Variants in NELL2 observed in about 807,000 individuals in gnomAD.
NELL2 encodes the protein protein kinase C-binding protein NELL2.
NELL2 carries 41 observed loss-of-function variants against 109.6 expected under a neutral mutation model. The ratio of observed to expected loss-of-function variants is 0.37; its 90% CI spans 0.29 to 0.49. NELL2 has a LOEUF of 0.49. NELL2 is among the 20% of genes least tolerant of loss of function. The probability of loss-of-function intolerance (pLI) is 0.98; values close to 1 mark genes in which losing one functional copy is unlikely to be tolerated. For synonymous variants in NELL2, 355 were observed against 344.7 expected, an observed-to-expected ratio of 1.03 and a Z score of -0.33; for missense variants, 900 against 1,008.3, an observed-to-expected ratio of 0.89 and a Z score of 1.45.
rs758588435 is a variant in NELL2, at chr12:44,532,726, CA to C, written c.1664-6del. The C allele has an allele frequency of 2.9e-5, 46 of 1,590,166 alleles. No homozygotes were observed. The African/African-American group carries it at 5.6e-4, about 19-fold the overall frequency. On this transcript the variant is annotated splice_region_variant and splice_polypyrimidine_tract_variant and intron_variant, in intron 15 of 19. Transcript: ENST00000429094. ...CATCAGAGCATTCATCAATGTCTGG[CA>C]AAAAAAGAGGGATTTTATAAAATTA... is the stretch of plus-strand genomic sequence containing the variant.
intron 2 of NELL2, among the ~76,000 whole-genome samples, chr12:44,856,809 G>A (rs1341535125): frequency 6.6e-6 from 1 of 152,180 alleles, no homozygotes; most frequent in Non-Finnish European, 1.5e-5. Context: ...AAGAACCCCT[G>A]AAAGCTTGGA....
chr12:44,866,987 T>C (rs1191013424), intron 2 of NELL2, among the ~76,000 whole-genome samples: 1 of 151,864 alleles, frequency 6.6e-6, no homozygotes, highest in East Asian at 1.9e-4. Context: ...TGTAAGCAAA[T>C]TGAATCAATA....
rs149746783 is a variant in NELL2, at chr12:44,534,926, T to C, written c.1664-2205A>G. On this transcript the variant is annotated intron_variant, in intron 15 of 19. Transcript: ENST00000429094. ...AATAAGGTTATCTCAGTTTCTATGG[T>C]ATAGATATATATTTCAATTGTTACT... Among the ~76,000 whole-genome samples, 3 of 152,182 alleles carry C rather than the reference T, an allele frequency of 2.0e-5. No individual in the cohort carries two copies. The East Asian group carries it at 5.8e-4, about 29-fold the overall frequency.
At chr12:44,887,475 G>A (rs1462916075) in intron 1 of NELL2, among the ~76,000 whole-genome samples, 3 of 151,982 alleles carry the variant, frequency 2.0e-5, no homozygotes, top group South Asian at 2.1e-4. Flanking sequence ...TAACTGGGGG[G>A]AGACACCAAT....
At chr12:44,864,577 T>C (rs1592675429) in intron 2 of NELL2, among the ~76,000 whole-genome samples, 1 of 152,196 alleles carries the variant, frequency 6.6e-6, no homozygotes, top group East Asian at 1.9e-4. Context: ...AATATTAATA[T>C]ATCTAAAAGA....
intron 3 of NELL2, among the ~76,000 whole-genome samples, chr12:44,810,761 G>A (rs866378058): frequency 6.8e-6 from 1 of 147,954 alleles, no homozygotes; most frequent in African/African-American, 2.7e-5. Flanking sequence ...AATAGTGGCT[G>A]CCGTCAGGGA....
intron 1 of NELL2, among the ~76,000 whole-genome samples, chr12:44,913,199 G>A (rs1945798392): frequency 6.6e-6 from 1 of 152,106 alleles, no homozygotes; most frequent in African/African-American, 2.4e-5. Context: ...AGGTGAAAAT[G>A]AGATAACACA....
At chr12:44,897,132 T>C (rs1945601806) in intron 1 of NELL2, among the ~76,000 whole-genome samples, 1 of 152,174 alleles carries the variant, frequency 6.6e-6, no homozygotes, top group African/African-American at 2.4e-5. Flanking sequence ...TTTAACAAGA[T>C]GATGTCAGTA....
chr12:44,749,078 G>T (rs1027582111), intron 9 of NELL2, among the ~76,000 whole-genome samples: 3 of 152,054 alleles, frequency 2.0e-5, no homozygotes, highest in African/African-American at 7.2e-5. Context: ...ACTCCAAAAG[G>T]ACTAAGTCTG....
At chr12:44,725,648 A>G (rs1302545475) in intron 9 of NELL2, among the ~76,000 whole-genome samples, 1 of 152,212 alleles carries the variant, frequency 6.6e-6, no homozygotes, top group Non-Finnish European at 1.5e-5. Flanking sequence ...TGTGGTACCT[A>G]AGCACCATGA....
Position 44,552,623 on chromosome 12 carries a change from C to T in NELL2, c.1664-19902G>A, listed in dbSNP as rs1006712686. On this transcript the variant is annotated intron_variant, in intron 15 of 19. Transcript: ENST00000429094. ...CTAATATTTATTTTATTATTACTAC[C>T]AGCTCTTACCATGTTACATAGAATT... Among the ~76,000 whole-genome samples the T allele has an allele frequency of 5.3e-5, 8 of 152,078 alleles. No homozygotes were observed. In the South Asian group the frequency reaches 1.7e-3, roughly 32 times the overall value.
intron 1 of NELL2, among the ~76,000 whole-genome samples, chr12:44,919,225 G>A (rs1438208855): frequency 6.6e-6 from 1 of 151,982 alleles, no homozygotes; most frequent in East Asian, 1.9e-4. Flanking sequence ...GCAAAGAGAG[G>A]AAAAAATAAT....
At chr12:44,594,230 G>A (rs1944871835) in intron 15 of NELL2, among the ~76,000 whole-genome samples, 1 of 151,928 alleles carries the variant, frequency 6.6e-6, no homozygotes, top group Non-Finnish European at 1.5e-5. Flanking sequence ...CATGGCATGT[G>A]CATACCTATG....
At chr12:44,617,691 C>CAAAAAAAAAAAAAAAAAAAAA (rs975070930) in intron 13 of NELL2, among the ~76,000 whole-genome samples, 8 of 22,360 alleles carry the variant, frequency 3.6e-4, no homozygotes, top group East Asian at 1.4e-3. Context: ...GACTCCGTCT[C>CAAAAAAAAAAAAAAAAAAAAA]AAAAAAAAAA....
At chr12:44,755,367 C>G (rs1305114274) in intron 9 of NELL2, among the ~76,000 whole-genome samples, 1 of 152,284 alleles carries the variant, frequency 6.6e-6, no homozygotes, top group Admixed American at 6.5e-5. Flanking sequence ...CCTACATACA[C>G]ACACGCACAT....
At chr12:44,527,756 T>A (rs919423011) in intron 16 of NELL2, among the ~76,000 whole-genome samples, 1 of 152,278 alleles carries the variant, frequency 6.6e-6, no homozygotes, top group South Asian at 2.1e-4. Context: ...AGAAGTATTA[T>A]TTTTATCTTT....
intron 9 of NELL2, among the ~76,000 whole-genome samples, chr12:44,738,051 G>A (rs114465498): frequency 0.026 from 4,030 of 152,188 alleles, 179 homozygotes; most frequent in African/African-American, 0.091. Flanking sequence ...CCTTTGAGAA[G>A]CCCTCCCTGA....
chr12:44,828,434 C>T (rs944860180), intron 2 of NELL2, among the ~76,000 whole-genome samples: 3 of 152,102 alleles, frequency 2.0e-5, no homozygotes, highest in African/African-American at 7.2e-5. Context: ...AAATTTCTTT[C>T]GAATCTACAG....
chr12:44,731,510 A>G (rs547948584), intron 9 of NELL2, among the ~76,000 whole-genome samples: 17 of 152,230 alleles, frequency 1.1e-4, no homozygotes, highest in Admixed American at 9.8e-4. Flanking sequence ...TCATTTTAAT[A>G]TAAGAAGAAA....
Sources: gnomAD v4.1 joint callset for allele counts (sites outside exome capture counted in the v4.1 genomes callset) on GRCh38, gnomAD v4.1.1 for gene constraint, MANE v1.5 for transcripts, NCBI Gene and HGNC (gene_info 2026-07-23, HGNC 2026-07-21) for gene names.